Variants in UPF2 observed in about 807,000 individuals in gnomAD.
The protein encoded by UPF2 is UPF2 regulator of nonsense mediated mRNA decay.
Under a neutral mutation model 141.4 loss-of-function variants are expected in UPF2, and 17 were observed. The ratio of observed to expected loss-of-function variants is 0.12; its 90% CI spans 0.08 to 0.18. The LOEUF is 0.18. Ranked by LOEUF, UPF2 falls within the 10% of genes least tolerant of loss-of-function variation. UPF2 has a pLI of 1.00. For missense variants in UPF2, 1,152 were observed against 1,515.9 expected (o/e 0.76, Z 3.99); for synonymous variants, 540 against 498.0 (o/e 1.08, Z -1.12).
intron 8 of UPF2, 21 bp downstream of exon 8, chr10:11,997,651 T>G (rs745680864): frequency 6.2e-7 from 1 of 1,608,652 alleles, no homozygotes; most frequent in Admixed American, 1.7e-5. Context: ...CACTAATAAA[T>G]TTCTCTTTCA....
intron 11 of UPF2, among the ~76,000 whole-genome samples, chr10:11,961,289 A>G (rs556795295): frequency 1.2e-4 from 18 of 152,176 alleles, no homozygotes; most frequent in Non-Finnish European, 2.4e-4. Context: ...AGCATGAACA[A>G]TAAGTACTGA....
intron 3 of UPF2, among the ~76,000 whole-genome samples, chr10:12,027,123 C>T (rs772330060): frequency 6.6e-6 from 1 of 152,086 alleles, no homozygotes; most frequent in Non-Finnish European, 1.5e-5. Flanking sequence ...TAAATTTCCA[C>T]CTGATGTAAC....
chr10:11,938,908 C>A (rs562053367), intron 18 of UPF2, among the ~76,000 whole-genome samples: 30 of 129,416 alleles, frequency 2.3e-4, no homozygotes, highest in Admixed American at 1.4e-3. Flanking sequence ...CTCTGTCCCC[C>A]CCATGCAGAG....
intron 8 of UPF2, among the ~76,000 whole-genome samples, chr10:11,990,597 G>A (rs189310115): frequency 2.6e-5 from 4 of 150,974 alleles, no homozygotes; most frequent in South Asian, 2.1e-4. Flanking sequence ...GGAGAATAGC[G>A]TGAACCTGGG....
Position 12,035,376 on chromosome 10 carries a change from A to G in UPF2, c.48T>C (p.Ser16=). The G allele has an allele frequency of 6.3e-7, 1 of 1,599,358 alleles. No individual in the cohort carries two copies. The highest frequency in any genetic ancestry group is 1.1e-5 in the South Asian group (1 of 87,684). ...KKPASMEEKD[S]LPNNKEKDCS... is the part of the protein sequence containing the mutation. ...AGTCTTTTTCCTTGTTGTTTGGTAA[A>G]GAGTCTTTTTCTTCCATACTTGCTG... is the stretch of plus-strand genomic sequence containing the variant. Residue 16 remains serine, a synonymous_variant, in exon 2 of 22, where the codon TCT becomes TCC. Coordinates refer to ENST00000357604, the MANE Select transcript of UPF2 (RefSeq NM_015542.4).
At chr10:11,986,050 A>C (rs920339095) in intron 8 of UPF2, among the ~76,000 whole-genome samples, 7 of 151,358 alleles carry the variant, frequency 4.6e-5, no homozygotes, top group Admixed American at 4.6e-4. Context: ...AAGCCCGGCT[A>C]ATTTTTTGTA....
At chr10:12,032,644 G>T (rs1260267445) in intron 2 of UPF2, among the ~76,000 whole-genome samples, 1 of 151,736 alleles carries the variant, frequency 6.6e-6, no homozygotes, top group Non-Finnish European at 1.5e-5. Flanking sequence ...AGGCAGAGGC[G>T]GGAGGATCAC....
chr10:12,024,378 G>A (rs541668600), intron 3 of UPF2, among the ~76,000 whole-genome samples: 1 of 152,326 alleles, frequency 6.6e-6, no homozygotes, highest in East Asian at 1.9e-4. Flanking sequence ...GGGAGACCAA[G>A]GCAGGCAGAT....
chr10:12,021,820 C>T (rs1701476), intron 3 of UPF2, among the ~76,000 whole-genome samples: 18,418 of 152,102 alleles, frequency 0.12, 1,187 homozygotes, highest in African/African-American at 0.14. Context: ...GCATTCTGTC[C>T]AATTTTAATA....
intron 4 of UPF2, among the ~76,000 whole-genome samples, chr10:12,011,151 T>C (rs1047585183): frequency 2.0e-5 from 3 of 152,164 alleles, no homozygotes; most frequent in African/African-American, 7.2e-5. Flanking sequence ...TGGCTAAATT[T>C]GTTTTATTTT....
At position 12,039,737 on chromosome 10, in the gene UPF2, C is replaced by T. The variant is rs529479369; in HGVS notation, c.-19+3018G>A. Among the ~76,000 whole-genome samples, 7 of 152,024 alleles carry T rather than the reference C, an allele frequency of 4.6e-5. No homozygotes were observed. The East Asian group carries it at 7.8e-4, about 17-fold the overall frequency. On this transcript the variant is annotated intron_variant, in intron 1 of 21. Transcript: ENST00000357604. The stretch of plus-strand genomic sequence containing the variant: ...CCGGGTTCAAGTCATTCTCCTGCCT[C>T]AGCCTCCCGAGTAGCTGGGATTACA...
At position 11,997,697 on chromosome 10, in the gene UPF2, C is replaced by A; in HGVS notation, c.1819G>T (p.Ala607Ser). The change falls in exon 8 of 22, where the codon GCA (alanine) becomes TCA (serine). Residue 607 changes from alanine to serine, a missense_variant. Ala to Ser is a moderately conservative substitution (Grantham distance 99). Transcript: ENST00000357604. ...CTTTGTCTAGGAACTATGAAGAGTGCCCGTACCAACTTCTTCCTGTTTGCT... is the reference window on the plus strand; with the variant it reads ...CTTTGTCTAGGAACTATGAAGAGTGACCGTACCAACTTCTTCCTGTTTGCT... ...TKANRKKLVR[A>S]LFIVPRQRLD... The A allele has an allele frequency of 1.9e-6, 3 of 1,613,804 alleles. No homozygotes were observed. The highest frequency in any genetic ancestry group is 1.7e-4 in the Middle Eastern group (1 of 6,056).
At chr10:12,008,814 G>C (rs1169124019) in intron 4 of UPF2, among the ~76,000 whole-genome samples, 4 of 151,910 alleles carry the variant, frequency 2.6e-5, no homozygotes, top group East Asian at 1.9e-4. Context: ...GCATGCATTA[G>C]GTATTTGTCC....
Position 12,016,850 on chromosome 10 carries a change from G to A in UPF2, c.1146-2666C>T, listed in dbSNP as rs111926976. ...TCAGCCTGGCCCATGGTGAAAACTCGTCTCTACAAAAACATAAAAATTAGC... is the reference window on the plus strand; with the variant it reads ...TCAGCCTGGCCCATGGTGAAAACTCATCTCTACAAAAACATAAAAATTAGC... On this transcript the variant is annotated intron_variant, in intron 3 of 21. Transcript: ENST00000357604. The surrounding 1 kb of genome is among the most constrained non-coding windows in gnomAD (Gnocchi z 4.1). Among the ~76,000 whole-genome samples, 260 of 151,262 alleles carry A rather than the reference G, an allele frequency of 1.7e-3. 1 individual carries two copies. Among genetic ancestry groups the A allele is most frequent in the African/African-American group, 5.8e-3 (237 of 41,202 alleles).
chr10:11,956,055 G>A lies in UPF2; in HGVS notation c.2574+265C>T, dbSNP rs1588535645. ...CCAGCTACTCGGGAAGTTGAAACAG[G>A]AGAATTGCTTGAACCCAGGAGGAAG... On this transcript the variant is annotated intron_variant, in intron 13 of 21. Transcript: ENST00000357604. This position sits in a 1 kb window ranked among gnomAD's most constrained non-coding sequence, Gnocchi z 4.2. 6.6e-6 allele frequency among the ~76,000 whole-genome samples: 1 copy of A among 151,796 alleles called. No individual in the cohort carries two copies. Among genetic ancestry groups the A allele is most frequent in the Non-Finnish European group, 1.5e-5 (1 of 67,992 alleles).
chr10:12,041,490 A>T (rs1360851567), intron 1 of UPF2, among the ~76,000 whole-genome samples: 1 of 152,182 alleles, frequency 6.6e-6, no homozygotes, highest in Non-Finnish European at 1.5e-5. Context: ...AATTTACTAG[A>T]AGTACCAATG....
intron 4 of UPF2, among the ~76,000 whole-genome samples, chr10:12,006,515 G>A (rs890255470): frequency 6.6e-6 from 1 of 151,930 alleles, no homozygotes; most frequent in East Asian, 1.9e-4. Flanking sequence ...AAAAAACACT[G>A]GCTCCTCGAA....
At chr10:11,964,315 A>G (rs552692012) in intron 10 of UPF2, among the ~76,000 whole-genome samples, 190 bp from the exon 11 acceptor site, 1 of 152,300 alleles carries the variant, frequency 6.6e-6, no homozygotes, top group South Asian at 2.1e-4. Context: ...AATATATTTG[A>G]CGTCTTTCAC....
chr10:11,986,352 A>G (rs1051500837), intron 8 of UPF2, among the ~76,000 whole-genome samples: 3 of 152,188 alleles, frequency 2.0e-5, no homozygotes, highest in African/African-American at 7.2e-5. Context: ...GTATCCTACC[A>G]GCAGTTAATG....
Sources: gnomAD v4.1 joint callset for allele counts (sites outside exome capture counted in the v4.1 genomes callset) on GRCh38, gnomAD v4.1.1 for gene constraint, Gnocchi (gnomAD v3.1) non-coding constraint, MANE v1.5 for transcripts, NCBI Gene and HGNC (gene_info 2026-07-23, HGNC 2026-07-21) for gene names.